Variants in DAGLB observed in about 807,000 individuals in gnomAD.
DAGLB encodes diacylglycerol lipase beta.
DAGLB carries 66 observed loss-of-function variants against 72.1 expected under a neutral mutation model. The observed-to-expected ratio is 0.92, with a 90% CI of 0.75 to 1.12. The LOEUF is 1.12. DAGLB is among the 50% of genes most tolerant of loss of function. DAGLB has a pLI of 0.00. For missense variants in DAGLB, 1,065 were observed against 884.9 expected, an observed-to-expected ratio of 1.20 and a Z score of -2.58; for synonymous variants, 414 against 359.5, an observed-to-expected ratio of 1.15 and a Z score of -1.71.
chr7:6,414,988 G>T (rs1783855910), intron 11 of DAGLB, among the ~76,000 whole-genome samples: 1 of 151,950 alleles, frequency 6.6e-6, no homozygotes, highest in Non-Finnish European at 1.5e-5. Context: ...GGGCAACATA[G>T]CAAGACCCTG....
intron 6 of DAGLB, among the ~76,000 whole-genome samples, chr7:6,430,250 C>CGCATATATATATATATAT (rs1554267534): frequency 2.2e-5 from 1 of 45,738 alleles, no homozygotes; most frequent in African/African-American, 1.0e-4. Context: ...AATACATGTG[C>CGCATATATATATATATAT]ATATATATAT....
chr7:6,434,900 C>T lies in DAGLB; in HGVS notation c.540G>A (p.Gln180=). The T allele has an allele frequency of 6.2e-7, 1 of 1,614,204 alleles. No individual in the cohort carries two copies. The highest frequency in any genetic ancestry group is 8.5e-7 in the Non-Finnish European group (1 of 1,180,044). ...PSHLDSHDSS[Q]LLNGLKTAAT... is the part of the protein sequence containing the mutation. ...CTGCTGTCTTGAGGCCATTAAGTAA[C>T]TGGCTTGAATCATGACTATCCAGGT... Residue 180 remains glutamine, a synonymous_variant, in exon 4 of 15, where the codon CAG becomes CAA. Transcript: ENST00000297056.
chr7:6,413,338 G>A (rs1419957016), intron 11 of DAGLB, among the ~76,000 whole-genome samples: 1 of 152,172 alleles, frequency 6.6e-6, no homozygotes, highest in Non-Finnish European at 1.5e-5. Context: ...CTCCATCAAA[G>A]ATGCACTGGA....
chr7:6,423,145 G>C (rs1241863265), intron 8 of DAGLB, among the ~76,000 whole-genome samples: 1 of 152,186 alleles, frequency 6.6e-6, no homozygotes, highest in Non-Finnish European at 1.5e-5. Context: ...CCAGCTACTT[G>C]AGAGGCTGAG....
At position 6,416,554 on chromosome 7, in the gene DAGLB, AG is replaced by A. The variant is rs1783923290; in HGVS notation, c.1427+72del. 2.0e-6 allele frequency: 3 copies of A among 1,515,026 alleles called. No individual in the cohort carries two copies. In the African/African-American group the frequency reaches 4.2e-5, roughly 21 times the overall value. The allele number at this position is 1,515,026 out of a possible 1,614,324, so 93.8% of individuals were successfully genotyped here. A position where few individuals can be genotyped will look rare whatever the true frequency, so the allele number is the denominator to read the frequency against. On this transcript the variant is annotated intron_variant, in intron 11 of 14. Transcript: ENST00000297056. Reference sequence around the variant, plus strand: ...CAAGACTTCATCTCAGGAAAATAAAAGAAAAAAAAGATGAGTCTTGACCACA... The same window carrying A: ...CAAGACTTCATCTCAGGAAAATAAAAAAAAAAAAGATGAGTCTTGACCACA...
At chr7:6,440,061 AAAAAAAG>A (rs1268628895) in intron 2 of DAGLB, among the ~76,000 whole-genome samples, 3 of 131,868 alleles carry the variant, frequency 2.3e-5, no homozygotes, top group Admixed American at 8.5e-5. Flanking sequence ...CAAAAAAAAA[AAAAAAAG>A]AAAGAAAAAG....
chr7:6,442,185 C>A (rs951426964), intron 2 of DAGLB, among the ~76,000 whole-genome samples: 1 of 152,162 alleles, frequency 6.6e-6, no homozygotes, highest in Non-Finnish European at 1.5e-5. Context: ...GGCCTAGGGT[C>A]TGCTTCTCTG....
At chr7:6,423,185 G>A (rs1400876265) in intron 8 of DAGLB, among the ~76,000 whole-genome samples, 1 of 152,168 alleles carries the variant, frequency 6.6e-6, no homozygotes, top group African/African-American at 2.4e-5. Context: ...CCAAGAGGTG[G>A]AGGCTGCAGT....
chr7:6,415,844 CAAAA>C (rs145952398), intron 11 of DAGLB, among the ~76,000 whole-genome samples: 1 of 82,012 alleles, frequency 1.2e-5, no homozygotes, highest in Non-Finnish European at 2.6e-5. Flanking sequence ...GACTCCGTCT[CAAAA>C]AAAAAAAAAA....
chr7:6,444,037 C>T (rs1010224102), intron 2 of DAGLB, among the ~76,000 whole-genome samples: 2 of 151,998 alleles, frequency 1.3e-5, no homozygotes, highest in Non-Finnish European at 2.9e-5. Context: ...GAGACCGAGA[C>T]GAGAGGATCA....
chr7:6,426,958 C>T (rs187331107), intron 6 of DAGLB, among the ~76,000 whole-genome samples: 1 of 151,960 alleles, frequency 6.6e-6, no homozygotes, highest in Non-Finnish European at 1.5e-5. Flanking sequence ...AAATACAAAA[C>T]TCAGCCAGGT....
At position 6,445,659 on chromosome 7, in the gene DAGLB, C is replaced by T. The variant is rs554415543; in HGVS notation, c.247+294G>A. 6 of 208,406 alleles carry T rather than the reference C, an allele frequency of 2.9e-5. No homozygotes were observed. The South Asian group carries it at 8.1e-4, about 28-fold the overall frequency. The allele number at this position is 208,406 out of a possible 1,614,324, so 12.9% of individuals were successfully genotyped here. On this transcript the variant is annotated intron_variant, in intron 2 of 14. Coordinates refer to ENST00000297056, the MANE Select transcript of DAGLB (RefSeq NM_139179.4). Reference sequence around the variant, plus strand: ...TAGTAGAGACGTAGAGATGGGGTTCCACTGTGTTGGCCAGGCTAGTCTCAT... The same window carrying T: ...TAGTAGAGACGTAGAGATGGGGTTCTACTGTGTTGGCCAGGCTAGTCTCAT...
intron 11 of DAGLB, among the ~76,000 whole-genome samples, chr7:6,413,939 C>T (rs1009300043): frequency 7.2e-5 from 11 of 152,208 alleles, no homozygotes; most frequent in South Asian, 2.1e-4. Flanking sequence ...AACACAGACA[C>T]GCTTCCTTCC....
rs1314188398 is a variant in DAGLB at position 6,412,994 on chromosome 7, GTGACACGA to G, written c.1460_1467del (p.Ile487ThrfsTer32). ...GGAATCACATCCTTCCCCAGGACGA[GTGACACGA>G]TGAAGCTCTGAGAATATTCCTGCAG... On this transcript the variant is annotated frameshift_variant, in exon 12 of 15. Coordinates refer to ENST00000297056, the MANE Select transcript of DAGLB (RefSeq NM_139179.4). LOFTEE classifies it high-confidence loss of function. The G allele has an allele frequency of 9.3e-6, 15 of 1,613,898 alleles. No homozygotes were observed. Among genetic ancestry groups the G allele is most frequent in the Non-Finnish European group, 2.5e-6 (3 of 1,179,950 alleles).
chr7:6,434,712 G>C (rs780217249), intron 4 of DAGLB, 50 bp downstream of exon 4: 1 of 1,606,426 alleles, frequency 6.2e-7, no homozygotes, highest in African/African-American at 1.3e-5. Context: ...TCCATCAGAA[G>C]CATTTACTGA....
At chr7:6,413,271 C>A (rs935582883) in intron 11 of DAGLB, among the ~76,000 whole-genome samples, 12 of 152,166 alleles carry the variant, frequency 7.9e-5, no homozygotes, top group African/African-American at 2.9e-4. Context: ...AAACTGGACA[C>A]CAAGGCGGAC....
At chr7:6,436,585 A>G (rs771587902) in intron 2 of DAGLB, 52 bp from the exon 3 acceptor site, 4 of 1,607,522 alleles carry the variant, frequency 2.5e-6, no homozygotes, top group South Asian at 2.2e-5. Flanking sequence ...AGAGATGAAG[A>G]GCTTCCTTTT....
intron 9 of DAGLB, among the ~76,000 whole-genome samples, chr7:6,419,409 C>G (rs927817394): frequency 1.3e-5 from 2 of 152,176 alleles, no homozygotes; most frequent in African/African-American, 4.8e-5. Context: ...TGGTGCTGGG[C>G]AGGCAGAGCC....
intron 6 of DAGLB, among the ~76,000 whole-genome samples, chr7:6,426,498 G>A (rs891583631): frequency 6.6e-6 from 1 of 152,148 alleles, no homozygotes; most frequent in Non-Finnish European, 1.5e-5. Flanking sequence ...TTAAACTCCT[G>A]ACCTCAGGCG....
Sources: allele counts gnomAD v4.1 joint callset (sites outside exome capture counted in the v4.1 genomes callset), GRCh38; gene constraint gnomAD v4.1.1; transcripts MANE v1.5; gene names NCBI Gene and HGNC (gene_info 2026-07-23, HGNC 2026-07-21).